PPM1L: variants seen among roughly 807,000 people sequenced by gnomAD.
PPM1L encodes protein phosphatase 1L.
PPM1L carries 13 observed loss-of-function variants against 31.4 expected under a neutral mutation model. The observed-to-expected ratio is 0.41, with a 90% CI of 0.27 to 0.66. PPM1L has a LOEUF of 0.66. Ranked by LOEUF, PPM1L falls within the 30% of genes least tolerant of loss-of-function variation. The pLI, the probability that PPM1L is intolerant of heterozygous loss-of-function variation, is 0.29. For synonymous variants in PPM1L, 184 were observed against 175.4 expected, an observed-to-expected ratio of 1.05 and a Z score of -0.39; for missense variants, 326 against 453.7, an observed-to-expected ratio of 0.72 and a Z score of 2.56.
At chr3:160,766,233 C>G (rs891085498) in intron 1 of PPM1L, among the ~76,000 whole-genome samples, 2 of 124,776 alleles carry the variant, frequency 1.6e-5, no homozygotes, top group African/African-American at 7.0e-5. Context: ...AATATATTTT[C>G]AATAAAGTTG....
intron 2 of PPM1L, among the ~76,000 whole-genome samples, chr3:161,023,784 C>T (rs1718302135): frequency 6.6e-6 from 1 of 152,100 alleles, no homozygotes; most frequent in Non-Finnish European, 1.5e-5. Context: ...TGTGTATGGG[C>T]CGTACTTTCC....
At chr3:160,995,338 T>C (rs1291357839) in intron 2 of PPM1L, among the ~76,000 whole-genome samples, 1 of 152,106 alleles carries the variant, frequency 6.6e-6, no homozygotes, top group Non-Finnish European at 1.5e-5. Context: ...CTTTTTCTTT[T>C]GAGACAGAGT....
rs1279804722 is a variant in PPM1L at position 160,803,908 on chromosome 3, A to AATTT, written c.399+47217_399+47220dup. Among the ~76,000 whole-genome samples the AATTT allele has an allele frequency of 5.9e-5, 9 of 152,080 alleles. No homozygotes were observed. The East Asian group carries it at 7.7e-4, about 13-fold the overall frequency. On this transcript the variant is annotated intron_variant, in intron 1 of 3. Transcript: ENST00000498165. ...ACTTAGCATAGAGATTATTAAATGTAATTTATTTATTTATTTATTCATTTT... is the reference window on the plus strand; with the variant it reads ...ACTTAGCATAGAGATTATTAAATGTAATTTATTTATTTATTTATTTATTCATTTT...
chr3:160,974,351 T>G (rs528798667), intron 2 of PPM1L, among the ~76,000 whole-genome samples: 2 of 152,244 alleles, frequency 1.3e-5, no homozygotes, highest in East Asian at 1.9e-4. Context: ...TGTGTCTTTA[T>G]AGCAGCATGA....
intron 2 of PPM1L, among the ~76,000 whole-genome samples, chr3:161,031,560 G>A (rs935455557): frequency 7.0e-6 from 1 of 143,176 alleles, no homozygotes; most frequent in Admixed American, 7.3e-5. Flanking sequence ...GAGTGCAGTG[G>A]TGCGATCATA....
chr3:160,825,311 A>C (rs1182935314), intron 1 of PPM1L, among the ~76,000 whole-genome samples: 1 of 152,176 alleles, frequency 6.6e-6, no homozygotes, highest in Non-Finnish European at 1.5e-5. Flanking sequence ...TAATAATATT[A>C]ACAAATTGAT....
chr3:161,010,709 C>T (rs1717865341), intron 2 of PPM1L, among the ~76,000 whole-genome samples: 1 of 152,078 alleles, frequency 6.6e-6, no homozygotes, highest in African/African-American at 2.4e-5. Flanking sequence ...TTTTAATGAT[C>T]GCCTTTCTAA....
intron 1 of PPM1L, among the ~76,000 whole-genome samples, chr3:160,824,101 C>T (rs997097242): frequency 6.6e-6 from 1 of 152,104 alleles, no homozygotes; most frequent in African/African-American, 2.4e-5. Context: ...CCCAAGGTCA[C>T]GGTATTTGGA....
chr3:160,927,199 G>A (rs190329005), intron 1 of PPM1L, among the ~76,000 whole-genome samples: 18 of 152,204 alleles, frequency 1.2e-4, no homozygotes, highest in Admixed American at 4.6e-4. Flanking sequence ...ATACACCAAC[G>A]TCAACAAAGG....
At chr3:160,847,197 A>G (rs568130768) in intron 1 of PPM1L, among the ~76,000 whole-genome samples, 1 of 152,242 alleles carries the variant, frequency 6.6e-6, no homozygotes, top group Admixed American at 6.5e-5. Flanking sequence ...GCCAAAAGTC[A>G]TGTTTCATAT....
At chr3:160,898,718 T>A (rs1249112850) in intron 1 of PPM1L, among the ~76,000 whole-genome samples, 1 of 152,204 alleles carries the variant, frequency 6.6e-6, no homozygotes, top group Non-Finnish European at 1.5e-5. Context: ...CAGACATTCA[T>A]GAAGACCTAT....
intron 1 of PPM1L, among the ~76,000 whole-genome samples, chr3:160,901,011 C>T (rs893041133): frequency 6.6e-6 from 1 of 152,212 alleles, no homozygotes; most frequent in South Asian, 2.1e-4. Context: ...TCAATGGACA[C>T]TATTTCTTGA....
intron 1 of PPM1L, among the ~76,000 whole-genome samples, chr3:160,887,248 A>G (rs1269403409): frequency 6.6e-6 from 1 of 152,162 alleles, no homozygotes; most frequent in African/African-American, 2.4e-5. Flanking sequence ...GAGTACCTGA[A>G]GGAGACGGGG....
At chr3:161,012,755 A>G (rs1187290848) in intron 2 of PPM1L, among the ~76,000 whole-genome samples, 1 of 152,112 alleles carries the variant, frequency 6.6e-6, no homozygotes, top group Non-Finnish European at 1.5e-5. Flanking sequence ...GGGAGAGTGT[A>G]TGTGTTGAGG....
chr3:161,000,978 A>G (rs1259782920), intron 2 of PPM1L, among the ~76,000 whole-genome samples: 1 of 152,206 alleles, frequency 6.6e-6, no homozygotes, highest in Non-Finnish European at 1.5e-5. Context: ...TTTAATTCCT[A>G]AGATTCAGTT....
chr3:160,756,857 C>T lies in PPM1L; in HGVS notation c.399+150C>T. Reference sequence around the variant, plus strand: ...GGTGCGAGGGGCGTGGTGATGACACCACGGTGCCTGGCTGGACAAATGCGG... The same window carrying T: ...GGTGCGAGGGGCGTGGTGATGACACTACGGTGCCTGGCTGGACAAATGCGG... On this transcript the variant is annotated intron_variant, in intron 1 of 3. Transcript: ENST00000498165. This position sits in a 1 kb window ranked among gnomAD's most constrained non-coding sequence, Gnocchi z 6.2. 3 of 878,548 alleles carry T rather than the reference C, an allele frequency of 3.4e-6. No homozygotes were observed. Among genetic ancestry groups the T allele is most frequent in the Non-Finnish European group, 3.4e-6 (2 of 589,528 alleles). 54.4% of individuals were successfully genotyped at this position (878,548 alleles called of 1,614,324 possible). A position where few individuals can be genotyped will look rare whatever the true frequency, so the allele number is the denominator to read the frequency against.
intron 1 of PPM1L, among the ~76,000 whole-genome samples, chr3:160,760,080 A>G (rs1467079660): frequency 2.6e-5 from 4 of 152,176 alleles, no homozygotes; most frequent in Non-Finnish European, 5.9e-5. Flanking sequence ...CTCTATGAAG[A>G]TGTATGTAGT....
intron 3 of PPM1L, among the ~76,000 whole-genome samples, chr3:161,068,511 T>C (rs529742255): frequency 6.6e-6 from 1 of 152,340 alleles, no homozygotes; most frequent in South Asian, 2.1e-4. Context: ...TGTCAATCAC[T>C]GAGCCACCAC....
At chr3:160,810,925 A>G (rs1424353489) in intron 1 of PPM1L, among the ~76,000 whole-genome samples, 1 of 152,176 alleles carries the variant, frequency 6.6e-6, no homozygotes, top group East Asian at 1.9e-4. Context: ...AAATGAACGG[A>G]AAATATTTTC....
Sources: allele counts gnomAD v4.1 joint callset (sites outside exome capture counted in the v4.1 genomes callset), GRCh38; gene constraint gnomAD v4.1.1; non-coding constraint Gnocchi (gnomAD v3.1); transcripts MANE v1.5; gene names NCBI Gene and HGNC (gene_info 2026-07-23, HGNC 2026-07-21).